The following KAZN variants were observed in gnomAD, a reference collection of about 807,000 sequenced individuals.
The protein encoded by KAZN is kazrin, periplakin interacting protein, also known as kazrin.
KAZN carries 40 observed loss-of-function variants against 87.4 expected under a neutral mutation model. The observed-to-expected ratio is 0.46, with a 90% CI of 0.36 to 0.60. The LOEUF (loss-of-function observed/expected upper bound fraction) is 0.60, where lower values mean the gene tolerates loss of function less well. Among genes scored for constraint, KAZN ranks in the 20% least tolerant of loss-of-function variants. KAZN has a pLI of 0.00. For missense variants in KAZN, 898 were observed against 1,073.9 expected (o/e 0.84, Z 2.29); for synonymous variants, 466 against 458.3 (o/e 1.02, Z -0.22).
At chr1:14,761,555 C>T (rs1416856004) in intron 1 of KAZN, among the ~76,000 whole-genome samples, 1 of 152,162 alleles carries the variant, frequency 6.6e-6, no homozygotes, top group Non-Finnish European at 1.5e-5. Context: ...GCCCTACTGC[C>T]CCCAACCACT....
chr1:14,260,307 G>A (rs150240599), intron 2 of KAZN, among the ~76,000 whole-genome samples: 9 of 152,298 alleles, frequency 5.9e-5, no homozygotes, highest in East Asian at 5.8e-4. Context: ...CGGAATGTCC[G>A]ATGGGGTAAG....
At chr1:14,027,110 G>C (rs1282426599) in intron 1 of KAZN, among the ~76,000 whole-genome samples, 1 of 152,308 alleles carries the variant, frequency 6.6e-6, no homozygotes, top group East Asian at 1.9e-4. Context: ...TTATCCAAAG[G>C]ACAGCATATC....
rs892086154 is a variant in KAZN at position 14,891,034 on chromosome 1, T to C, written c.227-69650T>C. 4.7e-5 allele frequency among the ~76,000 whole-genome samples: 7 copies of C among 150,028 alleles called. No homozygotes were observed. In the East Asian group the frequency reaches 6.0e-4, roughly 13 times the overall value. On this transcript the variant is annotated intron_variant, in intron 1 of 14. Transcript: ENST00000376030. ...AACTTTTTTGTATTTTTAGTAGAGATGGAGTTTCACCGTGTTAGCCAGGAT... is the reference window on the plus strand; with the variant it reads ...AACTTTTTTGTATTTTTAGTAGAGACGGAGTTTCACCGTGTTAGCCAGGAT...
At chr1:14,394,888 C>T (rs1436840058) in intron 2 of KAZN, among the ~76,000 whole-genome samples, 2 of 152,224 alleles carry the variant, frequency 1.3e-5, no homozygotes, top group African/African-American at 4.8e-5. Flanking sequence ...TAGTGAGTGA[C>T]AGACAGGGAT....
At chr1:14,186,588 A>G (rs1646311192) in intron 2 of KAZN, among the ~76,000 whole-genome samples, 1 of 152,150 alleles carries the variant, frequency 6.6e-6, no homozygotes, top group Non-Finnish European at 1.5e-5. Context: ...AAATTCTTGG[A>G]AAACTCTGAA....
intron 1 of KAZN, among the ~76,000 whole-genome samples, chr1:13,959,193 C>T (rs1260930574): frequency 6.6e-6 from 1 of 152,198 alleles, no homozygotes; most frequent in Non-Finnish European, 1.5e-5. Context: ...GCGCTTTCTA[C>T]CAGGTGAGGA....
intron 1 of KAZN, among the ~76,000 whole-genome samples, chr1:14,728,603 G>A (rs1191198515): frequency 6.6e-6 from 1 of 152,206 alleles, no homozygotes; most frequent in Non-Finnish European, 1.5e-5. Flanking sequence ...TTCAAATGCA[G>A]CCGGTTCCTA....
intron 1 of KAZN, among the ~76,000 whole-genome samples, chr1:14,670,047 A>T (rs2148734133): frequency 6.6e-6 from 1 of 152,124 alleles, no homozygotes. Flanking sequence ...CCCCTAGCTG[A>T]TCTGGTCTAT....
At chr1:14,892,642 G>A (rs1312917085) in intron 1 of KAZN, among the ~76,000 whole-genome samples, 3 of 152,190 alleles carry the variant, frequency 2.0e-5, no homozygotes, top group Non-Finnish European at 4.4e-5. Context: ...GCAAGCTTTC[G>A]AATGACCTCT....
chr1:14,714,630 C>T (rs1642682915), intron 1 of KAZN, among the ~76,000 whole-genome samples: 1 of 152,020 alleles, frequency 6.6e-6, no homozygotes, highest in Non-Finnish European at 1.5e-5. Flanking sequence ...CTGTCATGGT[C>T]CTTAAGGAAG....
chr1:14,745,829 A>G (rs1644248355), intron 1 of KAZN, among the ~76,000 whole-genome samples: 1 of 152,140 alleles, frequency 6.6e-6, no homozygotes, highest in South Asian at 2.1e-4. Flanking sequence ...TGATGTTACT[A>G]TCGTCTTGAT....
At chr1:14,957,395 C>T (rs991296782) in intron 1 of KAZN, among the ~76,000 whole-genome samples, 9 of 152,198 alleles carry the variant, frequency 5.9e-5, no homozygotes, top group Non-Finnish European at 8.8e-5. Context: ...TGGAGCCATT[C>T]GACAGACGTT....
chr1:14,478,410 G>C (rs1668891043), intron 2 of KAZN, among the ~76,000 whole-genome samples: 1 of 152,120 alleles, frequency 6.6e-6, no homozygotes, highest in African/African-American at 2.4e-5. Context: ...ATAAATGAAA[G>C]GTTGGACGGA....
chr1:14,929,095 C>T (rs181668177), intron 1 of KAZN, among the ~76,000 whole-genome samples: 31 of 152,330 alleles, frequency 2.0e-4, no homozygotes, highest in Non-Finnish European at 3.4e-4. Context: ...TTGTATTACC[C>T]ACCTCAGAGT....
intron 2 of KAZN, among the ~76,000 whole-genome samples, chr1:14,519,342 C>G (rs1474685605): frequency 6.6e-6 from 1 of 152,064 alleles, no homozygotes; most frequent in African/African-American, 2.4e-5. Flanking sequence ...GTTCTTTGGG[C>G]AGAATCCAGA....
chr1:14,084,770 C>A (rs951447824), intron 1 of KAZN, among the ~76,000 whole-genome samples: 1 of 151,596 alleles, frequency 6.6e-6, no homozygotes, highest in Non-Finnish European at 1.5e-5. Context: ...AGGAGATATA[C>A]CTAATGTTAA....
At chr1:13,960,590 T>C (rs551213833) in intron 1 of KAZN, among the ~76,000 whole-genome samples, 1 of 152,284 alleles carries the variant, frequency 6.6e-6, no homozygotes, top group East Asian at 1.9e-4. Context: ...GGTCAAAGCA[T>C]GAATGGCATG....
intron 1 of KAZN, among the ~76,000 whole-genome samples, chr1:14,802,012 A>G (rs1160312673): frequency 6.6e-6 from 1 of 152,104 alleles, no homozygotes; most frequent in Non-Finnish European, 1.5e-5. Flanking sequence ...TCTGCGCTGA[A>G]GAGAGCTGTC....
rs539967643 is a variant in KAZN, at chr1:14,666,258, G to T, written c.226+67035G>T. ...ATATGGGACAAAGCATTATGGTCTTGTTGGGTGAGTCGGTATCAGCAGGAT... is the reference window on the plus strand; with the variant it reads ...ATATGGGACAAAGCATTATGGTCTTTTTGGGTGAGTCGGTATCAGCAGGAT... On this transcript the variant is annotated intron_variant, in intron 1 of 14. Transcript: ENST00000376030. Among the ~76,000 whole-genome samples, 220 of 152,154 alleles carry T rather than the reference G, an allele frequency of 1.4e-3. 1 individual carries two copies. Among genetic ancestry groups the T allele is most frequent in the Admixed American group, 2.4e-3 (37 of 15,284 alleles).
Sources: gnomAD v4.1 joint callset for allele counts (sites outside exome capture counted in the v4.1 genomes callset) on GRCh38, gnomAD v4.1.1 for gene constraint, MANE v1.5 for transcripts, NCBI Gene and HGNC (gene_info 2026-07-23, HGNC 2026-07-21) for gene names.